Variants in NAV2 observed in about 807,000 individuals in gnomAD.
NAV2 encodes neuron navigator 2, also known as helicase, APC down-regulated 1.
In NAV2, 54 loss-of-function variants were observed where a neutral mutation model predicts 223.2. The ratio of observed to expected loss-of-function variants is 0.24; its 90% CI spans 0.19 to 0.30. The LOEUF (loss-of-function observed/expected upper bound fraction) is 0.30, where lower values mean the gene tolerates loss of function less well. NAV2 is among the 10% of genes least tolerant of loss of function. NAV2 has a pLI of 1.00. For missense variants in NAV2, 2,806 were observed against 3,147.5 expected (o/e 0.89, Z 2.60); for synonymous variants, 1,279 against 1,239.3 (o/e 1.03, Z -0.67).
chr11:19,749,885 C>T (rs2053661684), intron 1 of NAV2, among the ~76,000 whole-genome samples: 1 of 152,234 alleles, frequency 6.6e-6, no homozygotes, highest in Non-Finnish European at 1.5e-5. Context: ...TGCCTCACGT[C>T]TATGGCTTTG....
chr11:19,856,924 C>T (rs2061437649), intron 3 of NAV2, among the ~76,000 whole-genome samples: 1 of 152,182 alleles, frequency 6.6e-6, no homozygotes, highest in South Asian at 2.1e-4. Flanking sequence ...ATTGACTGTT[C>T]GTGAACAACC....
At chr11:20,100,906 T>G (rs763219223) in intron 31 of NAV2, 31 bp from the exon 32 acceptor site, 1 of 1,594,484 alleles carries the variant, frequency 6.3e-7, no homozygotes, top group East Asian at 2.2e-5. Context: ...TCTACAGGGC[T>G]TCAGATGATT....
intron 1 of NAV2, among the ~76,000 whole-genome samples, chr11:19,550,852 A>G (rs558273457): frequency 2.6e-5 from 4 of 152,330 alleles, no homozygotes; most frequent in East Asian, 1.9e-4. Context: ...TTGCTATGGC[A>G]ACACTCAAGA....
rs539052164 is a variant in NAV2, at chr11:19,991,903, C to A, written c.2768+7656C>A. On this transcript the variant is annotated intron_variant, in intron 11 of 37. Coordinates refer to ENST00000349880, the MANE Select transcript of NAV2 (RefSeq NM_145117.5). Reference sequence around the variant, plus strand: ...CTTTACCTCTCATTCCCAGCCCTTCCCCTCTCTTCCTCTTTCATTTTCCTT... The same window carrying A: ...CTTTACCTCTCATTCCCAGCCCTTCACCTCTCTTCCTCTTTCATTTTCCTT... Among the ~76,000 whole-genome samples, 8 of 152,228 alleles carry A rather than the reference C, an allele frequency of 5.3e-5. No homozygotes were observed. In the East Asian group the frequency reaches 1.5e-3, roughly 29 times the overall value.
chr11:19,487,868 A>C (rs1002352301), intron 1 of NAV2, among the ~76,000 whole-genome samples: 5 of 128,634 alleles, frequency 3.9e-5, no homozygotes, highest in African/African-American at 1.4e-4. Context: ...CAAAGTACAA[A>C]GTAGAGGACC....
intron 1 of NAV2, among the ~76,000 whole-genome samples, chr11:19,397,386 T>C (rs1325712855): frequency 6.8e-6 from 1 of 147,200 alleles, no homozygotes; most frequent in African/African-American, 2.5e-5. Flanking sequence ...GAGAATTGGA[T>C]TCTCTGGGGA....
At chr11:19,458,244 A>T (rs1852027771) in intron 1 of NAV2, among the ~76,000 whole-genome samples, 1 of 152,214 alleles carries the variant, frequency 6.6e-6, no homozygotes, top group Non-Finnish European at 1.5e-5. Context: ...AGTGACAGCC[A>T]CACTGTAGCA....
chr11:19,603,651 A>G (rs2046407111), intron 1 of NAV2, among the ~76,000 whole-genome samples: 1 of 148,936 alleles, frequency 6.7e-6, no homozygotes. Flanking sequence ...AAAAAAAAAG[A>G]AAAAAGAAAA....
At chr11:20,018,934 C>T (rs2054251207) in intron 11 of NAV2, among the ~76,000 whole-genome samples, 1 of 152,146 alleles carries the variant, frequency 6.6e-6, no homozygotes, top group Admixed American at 6.5e-5. Context: ...AGTGCGAGGG[C>T]CTAGGAAGTG....
intron 1 of NAV2, among the ~76,000 whole-genome samples, chr11:19,643,835 T>G (rs2047737302): frequency 6.6e-6 from 1 of 152,216 alleles, no homozygotes; most frequent in South Asian, 2.1e-4. Context: ...TGTTGTTTCC[T>G]GACTTTTTAA....
At chr11:19,543,477 C>A (rs140893636) in intron 1 of NAV2, among the ~76,000 whole-genome samples, 20 of 152,290 alleles carry the variant, frequency 1.3e-4, no homozygotes, top group African/African-American at 4.1e-4. Context: ...TCTTTTATCG[C>A]ACCAAATCTC....
At chr11:19,714,118 AG>A (rs2050081027) in intron 1 of NAV2, 156 bp downstream of exon 1, 1 of 1,147,826 alleles carries the variant, frequency 8.7e-7, no homozygotes, top group Non-Finnish European at 1.2e-6. Flanking sequence ...GGGATGCGCG[AG>A]GAGAGTGGGC....
intron 1 of NAV2, among the ~76,000 whole-genome samples, chr11:19,757,626 C>T (rs1288856148): frequency 6.6e-6 from 1 of 152,098 alleles, no homozygotes; most frequent in African/African-American, 2.4e-5. Flanking sequence ...TGGGAAAGTG[C>T]TTCATAGGCT....
At chr11:19,780,991 C>G (rs2056691850) in intron 1 of NAV2, among the ~76,000 whole-genome samples, 1 of 152,164 alleles carries the variant, frequency 6.6e-6, no homozygotes, top group Non-Finnish European at 1.5e-5. Context: ...TTTTAAATTA[C>G]TGCTAAAATC....
intron 1 of NAV2, among the ~76,000 whole-genome samples, chr11:19,494,302 C>T (rs1042772689): frequency 6.6e-6 from 1 of 152,164 alleles, no homozygotes; most frequent in African/African-American, 2.4e-5. Flanking sequence ...TCTCTTGGGT[C>T]CTCTGAACTC....
intron 1 of NAV2, among the ~76,000 whole-genome samples, chr11:19,488,009 T>C (rs1048121851): frequency 6.6e-6 from 1 of 152,146 alleles, no homozygotes; most frequent in Non-Finnish European, 1.5e-5. Context: ...GAGTCATGGA[T>C]GTAAAAAGCC....
chr11:19,951,582 T>TAG (rs2047401183), intron 10 of NAV2, among the ~76,000 whole-genome samples: 2 of 152,114 alleles, frequency 1.3e-5, no homozygotes, highest in Non-Finnish European at 2.9e-5. Flanking sequence ...TATCCTGTAA[T>TAG]AGTTGATTTT....
intron 1 of NAV2, among the ~76,000 whole-genome samples, chr11:19,687,403 A>T (rs976773765): frequency 6.6e-6 from 1 of 152,234 alleles, no homozygotes; most frequent in African/African-American, 2.4e-5. Context: ...TATTACATGC[A>T]TTCAGAAAAA....
chr11:19,617,398 C>A (rs1183384442), intron 1 of NAV2, among the ~76,000 whole-genome samples: 2 of 152,114 alleles, frequency 1.3e-5, no homozygotes, highest in Non-Finnish European at 2.9e-5. Flanking sequence ...CAGTAATCAG[C>A]CCTCTGTGGG....
Sources: gnomAD v4.1 joint callset for allele counts (sites outside exome capture counted in the v4.1 genomes callset) on GRCh38, gnomAD v4.1.1 for gene constraint, MANE v1.5 for transcripts, NCBI Gene and HGNC (gene_info 2026-07-23, HGNC 2026-07-21) for gene names.